IDO2: variants seen among roughly 807,000 people sequenced by gnomAD.
IDO2 encodes the protein indoleamine 2,3-dioxygenase 2, also known as indoleamine 2,3-dioxygenase-like 1 protein.
Under a neutral mutation model 45.1 loss-of-function variants are expected in IDO2, and 46 were observed. The ratio of observed to expected loss-of-function variants is 1.02; its 90% CI spans 0.80 to 1.30. IDO2 has a LOEUF of 1.30. IDO2 is among the 50% of genes most tolerant of loss of function. IDO2 has a pLI of 0.00. For synonymous variants in IDO2, 218 were observed against 184.9 expected, an observed-to-expected ratio of 1.18 and a Z score of -1.45; for missense variants, 544 against 491.8, an observed-to-expected ratio of 1.11 and a Z score of -1.00.
At chr8:39,980,525 G>A (rs908219576) in intron 4 of IDO2, among the ~76,000 whole-genome samples, 7 of 151,984 alleles carry the variant, frequency 4.6e-5, no homozygotes, top group African/African-American at 7.3e-5. Flanking sequence ...ATTTTTGGAA[G>A]TAACTGTTTT....
chr8:39,981,564 C>G (rs1036447026), intron 4 of IDO2, among the ~76,000 whole-genome samples: 1 of 152,090 alleles, frequency 6.6e-6, no homozygotes, highest in Admixed American at 6.5e-5. Context: ...CCCACCACCC[C>G]GCCTCAGATC....
At chr8:40,009,906 A>G (rs534484341) in intron 9 of IDO2, among the ~76,000 whole-genome samples, 1 of 152,252 alleles carries the variant, frequency 6.6e-6, no homozygotes, top group African/African-American at 2.4e-5. Flanking sequence ...TACTTGTAGG[A>G]TGTTATTTTT....
chr8:40,008,421 C>G (rs369681434), intron 9 of IDO2, among the ~76,000 whole-genome samples: 2 of 152,270 alleles, frequency 1.3e-5, no homozygotes, highest in African/African-American at 4.8e-5. Flanking sequence ...AGAGAAAACT[C>G]TCTGATTTTA....
At chr8:40,004,561 A>AGATAGATAGAT (rs1554549495) in intron 8 of IDO2, among the ~76,000 whole-genome samples, 2 of 151,576 alleles carry the variant, frequency 1.3e-5, no homozygotes, top group African/African-American at 4.9e-5. Flanking sequence ...ATAGATAGAT[A>AGATAGATAGAT]GATAGACGAT....
chr8:40,008,038 A>C (rs1462156878), intron 9 of IDO2, among the ~76,000 whole-genome samples: 9 of 132,080 alleles, frequency 6.8e-5, no homozygotes, highest in African/African-American at 5.8e-5. Flanking sequence ...CCATCTCAGC[A>C]CTGGCACTTT....
intron 8 of IDO2, among the ~76,000 whole-genome samples, chr8:39,996,238 C>G (rs1411327000): frequency 6.6e-6 from 1 of 152,178 alleles, no homozygotes; most frequent in Non-Finnish European, 1.5e-5. Context: ...CTAACCGTCT[C>G]CCTGTGATGC....
At chr8:39,981,349 C>T (rs1269012827) in intron 4 of IDO2, among the ~76,000 whole-genome samples, 2 of 152,134 alleles carry the variant, frequency 1.3e-5, no homozygotes, top group African/African-American at 2.4e-5. Context: ...CGTGAGCCAC[C>T]GTGCCCGGCG....
intron 4 of IDO2, among the ~76,000 whole-genome samples, chr8:39,982,034 T>G (rs1024047106): frequency 6.6e-6 from 1 of 152,182 alleles, no homozygotes; most frequent in African/African-American, 2.4e-5. Flanking sequence ...TCTGTCCTCA[T>G]GCTTTTCTAG....
At chr8:39,985,313 A>T in intron 5 of IDO2, 195 bp from the exon 6 acceptor site, 1 of 601,548 alleles carries the variant, frequency 1.7e-6, no homozygotes, top group Non-Finnish European at 3.0e-6. Flanking sequence ...ATCACATAGC[A>T]CCCCATAGTC....
chr8:39,954,819 C>T (rs544020476), intron 2 of IDO2, among the ~76,000 whole-genome samples: 1 of 151,708 alleles, frequency 6.6e-6, no homozygotes, highest in East Asian at 1.9e-4. Context: ...CAAAGCCCAG[C>T]TAATTTTTTG....
chr8:39,976,000 G>C (rs1375000987), intron 3 of IDO2, among the ~76,000 whole-genome samples: 3 of 152,024 alleles, frequency 2.0e-5, no homozygotes. Context: ...TATATTTTGA[G>C]ATGGTGTCTC....
chr8:40,005,276 C>A, intron 8 of IDO2, 51 bp from the exon 9 acceptor site: 1 of 1,339,368 alleles, frequency 7.5e-7, no homozygotes, highest in Non-Finnish European at 1.0e-6. Context: ...CACATGTAAC[C>A]AATTGCTTTC....
intron 2 of IDO2, among the ~76,000 whole-genome samples, chr8:39,960,525 C>T (rs1475773809): frequency 6.6e-6 from 1 of 152,198 alleles, no homozygotes; most frequent in Non-Finnish European, 1.5e-5. Context: ...TTCCCTACTG[C>T]CTTATGGCTC....
chr8:40,011,988 G>T (rs147437682), intron 9 of IDO2, among the ~76,000 whole-genome samples: 1 of 152,104 alleles, frequency 6.6e-6, no homozygotes, highest in Non-Finnish European at 1.5e-5. Flanking sequence ...CCCCAATTGC[G>T]GAGGCCACTG....
chr8:39,974,776 C>T (rs1808234252), intron 3 of IDO2, among the ~76,000 whole-genome samples: 1 of 152,206 alleles, frequency 6.6e-6, no homozygotes, highest in South Asian at 2.1e-4. Flanking sequence ...CAAAAATTAG[C>T]TGGGCGTGGT....
At chr8:39,965,135 C>T (rs1401911747) in intron 3 of IDO2, among the ~76,000 whole-genome samples, 5 of 152,208 alleles carry the variant, frequency 3.3e-5, no homozygotes, top group Non-Finnish European at 7.3e-5. Context: ...AAACCAGTCC[C>T]TATTCCTTCT....
At position 39,977,145 on chromosome 8, in the gene IDO2, T is replaced by G. The variant is rs113369141; in HGVS notation, c.196-1922T>G. Among the ~76,000 whole-genome samples, 1,472 of 152,246 alleles carry G rather than the reference T, an allele frequency of 9.7e-3. 26 individuals are homozygous for G. The highest frequency in any genetic ancestry group is 0.033 in the African/African-American group (1,377 of 41,546). ...AAAGATTAAGATCCATAATACAAAA[T>G]GTATTCTATGAAATCAGTAAGATGA... On this transcript the variant is annotated intron_variant, in intron 3 of 10. Transcript: ENST00000502986.
At chr8:39,973,854 G>C (rs1305253401) in intron 3 of IDO2, among the ~76,000 whole-genome samples, 1 of 151,392 alleles carries the variant, frequency 6.6e-6, no homozygotes, top group African/African-American at 2.4e-5. Flanking sequence ...CGATTCTCCT[G>C]CCTCAGCCTC....
At chr8:40,009,272 C>T (rs1802275508) in intron 9 of IDO2, among the ~76,000 whole-genome samples, 1 of 152,158 alleles carries the variant, frequency 6.6e-6, no homozygotes, top group Non-Finnish European at 1.5e-5. Context: ...ACCTTGGTCC[C>T]CCAAAGTGCT....
Sources: gnomAD v4.1 joint callset for allele counts (sites outside exome capture counted in the v4.1 genomes callset) on GRCh38, gnomAD v4.1.1 for gene constraint, MANE v1.5 for transcripts, NCBI Gene and HGNC (gene_info 2026-07-23, HGNC 2026-07-21) for gene names.